The following SLC12A2 variants were observed in gnomAD, a reference collection of about 807,000 sequenced individuals.
The protein encoded by SLC12A2 is solute carrier family 12 member 2, also known as Na-K-2Cl cotransporter 1.
In SLC12A2, 67 loss-of-function variants were observed where a neutral mutation model predicts 136.3. That is an observed-to-expected ratio of 0.49 (90% CI 0.40 to 0.60). SLC12A2 has a LOEUF of 0.60. Among genes scored for constraint, SLC12A2 ranks in the 20% least tolerant of loss-of-function variants. The pLI, the probability that SLC12A2 is intolerant of heterozygous loss-of-function variation, is 0.00. For synonymous variants in SLC12A2, 619 were observed against 562.9 expected (o/e 1.10, Z -1.41); for missense variants, 1,322 against 1,534.7 (o/e 0.86, Z 2.32).
chr5:128,090,587 G>A (rs1362437360), intron 1 of SLC12A2, among the ~76,000 whole-genome samples: 2 of 152,098 alleles, frequency 1.3e-5, no homozygotes, highest in South Asian at 2.1e-4. Flanking sequence ...TCATTCTAGC[G>A]GTAGGAGACA....
chr5:128,134,542 T>C (rs948158329), intron 6 of SLC12A2, among the ~76,000 whole-genome samples: 1 of 152,082 alleles, frequency 6.6e-6, no homozygotes, highest in Non-Finnish European at 1.5e-5. Context: ...TTTTGCAGTA[T>C]GTAAAAATGC....
At chr5:128,175,169 G>A (rs181316345) in intron 20 of SLC12A2, among the ~76,000 whole-genome samples, 3 of 152,060 alleles carry the variant, frequency 2.0e-5, no homozygotes, top group African/African-American at 4.8e-5. Flanking sequence ...AATAATCTGC[G>A]CTGTGAATCA....
At chr5:128,138,218 C>T (rs1298308829) in intron 7 of SLC12A2, among the ~76,000 whole-genome samples, 3 of 152,148 alleles carry the variant, frequency 2.0e-5, no homozygotes, top group Non-Finnish European at 2.9e-5. Flanking sequence ...AAATTACAGG[C>T]GTGAGGCACC....
chr5:128,118,754 T>A (rs1761446379), intron 4 of SLC12A2, among the ~76,000 whole-genome samples: 1 of 152,160 alleles, frequency 6.6e-6, no homozygotes, highest in Admixed American at 6.5e-5. Flanking sequence ...CCAACTTCTG[T>A]AAAGCTTTTA....
chr5:128,122,660 AATAG>A (rs1302732323), intron 4 of SLC12A2, among the ~76,000 whole-genome samples: 28 of 152,132 alleles, frequency 1.8e-4, no homozygotes, highest in African/African-American at 5.3e-4. Flanking sequence ...CATTTTTGTA[AATAG>A]ATAAAGCCAA....
intron 4 of SLC12A2, among the ~76,000 whole-genome samples, chr5:128,119,988 C>A (rs900346844): frequency 1.3e-5 from 2 of 151,878 alleles, no homozygotes; most frequent in African/African-American, 2.4e-5. Flanking sequence ...CCAGAATCTA[C>A]AATGAACTCA....
intron 17 of SLC12A2, among the ~76,000 whole-genome samples, chr5:128,164,847 G>GTT (rs35076550): frequency 2.7e-4 from 33 of 123,532 alleles, no homozygotes; most frequent in Admixed American, 4.0e-4. Flanking sequence ...AAACTGTTTT[G>GTT]TTTTTTTTTT....
At chr5:128,146,178 C>T (rs940113948) in intron 10 of SLC12A2, among the ~76,000 whole-genome samples, 4 of 151,716 alleles carry the variant, frequency 2.6e-5, no homozygotes, top group African/African-American at 4.8e-5. Flanking sequence ...CATGACACGA[C>T]GATCATTTTG....
Position 128,148,975 on chromosome 5 carries a change from A to C in SLC12A2, c.2005+98A>C, listed in dbSNP as rs556728460. ...ATTAACAATGTTATCTTGGTATACT[A>C]AGTTTCTTTGTAATCAAAGAAAGTT... On this transcript the variant is annotated intron_variant, in intron 12 of 26. Coordinates refer to ENST00000262461, the MANE Select transcript of SLC12A2 (RefSeq NM_001046.3). The C allele has an allele frequency of 1.7e-5, 18 of 1,066,202 alleles. No homozygotes were observed. The Admixed American group carries it at 4.8e-4, about 28-fold the overall frequency. 66.0% of individuals were successfully genotyped at this position (1,066,202 alleles called of 1,614,324 possible).
Position 128,084,746 on chromosome 5 carries a change from CT to C in SLC12A2, c.756+37del, listed in dbSNP as rs767861433. On this transcript the variant is annotated intron_variant, in intron 1 of 26. Transcript: ENST00000262461. This position sits in a 1 kb window ranked among gnomAD's most constrained non-coding sequence, Gnocchi z 5.6. ...CCAGCCCTCCCTTCTTCCCCAGCCCCTGGTGCATGCCGACCGCGGGATGTGG... is the reference window on the plus strand; with the variant it reads ...CCAGCCCTCCCTTCTTCCCCAGCCCCGGTGCATGCCGACCGCGGGATGTGG... 2.5e-5 allele frequency: 37 copies of C among 1,509,030 alleles called. No homozygotes were observed. The African/African-American group carries it at 4.3e-4, about 17-fold the overall frequency. 93.5% of individuals were successfully genotyped at this position (1,509,030 alleles called of 1,614,324 possible). A position where few individuals can be genotyped will look rare whatever the true frequency, so the allele number is the denominator to read the frequency against.
At chr5:128,088,167 G>A (rs1760173911) in intron 1 of SLC12A2, among the ~76,000 whole-genome samples, 3 of 152,018 alleles carry the variant, frequency 2.0e-5, no homozygotes, top group African/African-American at 4.8e-5. Flanking sequence ...CATTGGACTT[G>A]GAGATTGTTT....
Position 128,114,690 on chromosome 5 carries a change from A to G in SLC12A2, c.1048+9A>G. Reference sequence around the variant, plus strand: ...TGGATTTGTAAGAGGAGGTAAGTAGAATCTTTTTGAATCATCATCATCAGA... The same window carrying G: ...TGGATTTGTAAGAGGAGGTAAGTAGGATCTTTTTGAATCATCATCATCAGA... On this transcript the variant is annotated intron_variant, in intron 4 of 26. Transcript: ENST00000262461. 6.9e-7 allele frequency: 1 copy of G among 1,442,328 alleles called. No individual in the cohort carries two copies. Among genetic ancestry groups the G allele is most frequent in the Non-Finnish European group, 9.8e-7 (1 of 1,024,142 alleles). The allele number at this position is 1,442,328 out of a possible 1,614,324, so 89.3% of individuals were successfully genotyped here.
intron 9 of SLC12A2, among the ~76,000 whole-genome samples, chr5:128,140,336 T>C (rs1762322447): frequency 6.6e-6 from 1 of 152,128 alleles, no homozygotes; most frequent in Admixed American, 6.5e-5. Context: ...ATTTCATTTA[T>C]CCTTAGAATT....
chr5:128,117,116 G>A (rs1761379221), intron 4 of SLC12A2, among the ~76,000 whole-genome samples: 1 of 152,154 alleles, frequency 6.6e-6, no homozygotes, highest in South Asian at 2.1e-4. Flanking sequence ...CCCATGTTGT[G>A]TATTTCCACT....
At chr5:128,181,968 C>T in intron 23 of SLC12A2, among the ~76,000 whole-genome samples, 1 of 140,244 alleles carries the variant, frequency 7.1e-6, no homozygotes, top group Non-Finnish European at 1.5e-5. Flanking sequence ...ATGTTTCCTT[C>T]TGGAATCACA....
At chr5:128,098,363 A>G (rs1323901545) in intron 1 of SLC12A2, among the ~76,000 whole-genome samples, 1 of 151,806 alleles carries the variant, frequency 6.6e-6, no homozygotes, top group East Asian at 1.9e-4. Context: ...TCTGTTACTC[A>G]TTGATATATT....
intron 19 of SLC12A2, among the ~76,000 whole-genome samples, chr5:128,174,134 T>C (rs1276287361): frequency 6.6e-6 from 1 of 152,158 alleles, no homozygotes; most frequent in Non-Finnish European, 1.5e-5. Flanking sequence ...ATTCTCCAGC[T>C]CGTAATTCAA....
chr5:128,152,608 T>C, intron 14 of SLC12A2, 98 bp from the exon 15 acceptor site: 1 of 787,606 alleles, frequency 1.3e-6, no homozygotes, highest in Non-Finnish European at 2.3e-6. Context: ...ATTGACTTTT[T>C]AAATGTGAAA....
intron 1 of SLC12A2, chr5:128,110,647 C>T: frequency 8.6e-7 from 1 of 1,166,516 alleles, no homozygotes. Context: ...CAGTGTTGTG[C>T]TGAAGCCAAG....
Sources: allele counts gnomAD v4.1 joint callset (sites outside exome capture counted in the v4.1 genomes callset), GRCh38; gene constraint gnomAD v4.1.1; non-coding constraint Gnocchi (gnomAD v3.1); transcripts MANE v1.5; gene names NCBI Gene and HGNC (gene_info 2026-07-23, HGNC 2026-07-21).